Variants in DMXL1 observed in about 807,000 individuals in gnomAD.
The protein encoded by DMXL1 is Dmx like 1.
DMXL1 carries 99 observed loss-of-function variants against 319.2 expected under a neutral mutation model. That is an observed-to-expected ratio of 0.31 (90% CI 0.26 to 0.37). The LOEUF (loss-of-function observed/expected upper bound fraction) is 0.37. DMXL1 is among the 10% of genes least tolerant of loss of function. The pLI, the probability that DMXL1 is intolerant of heterozygous loss-of-function variation, is 1.00. For missense variants in DMXL1, 3,745 were observed against 3,595.6 expected, an observed-to-expected ratio of 1.04 and a Z score of -1.06; for synonymous variants, 1,385 against 1,235.2, an observed-to-expected ratio of 1.12 and a Z score of -2.54.
intron 34 of DMXL1, among the ~76,000 whole-genome samples, chr5:119,214,580 AAATTT>A (rs1422679056): frequency 1.3e-5 from 2 of 152,122 alleles, no homozygotes; most frequent in African/African-American, 4.8e-5. Flanking sequence ...GGTCATTCAC[AAATTT>A]AATTTAAGAC....
At chr5:119,206,752 T>C in intron 33 of DMXL1, 82 bp from the exon 34 acceptor site, 5 of 807,056 alleles carry the variant, frequency 6.2e-6, no homozygotes, top group Non-Finnish European at 7.6e-6. Flanking sequence ...GTTTAAAATA[T>C]AGCATTGAAA....
chr5:119,190,182 T>C (rs543329107), intron 29 of DMXL1, among the ~76,000 whole-genome samples: 1 of 152,360 alleles, frequency 6.6e-6, no homozygotes, highest in Non-Finnish European at 1.5e-5. Flanking sequence ...TTCATGTTAA[T>C]GTACTTGATG....
chr5:119,101,564 T>C (rs1420041064), intron 2 of DMXL1, among the ~76,000 whole-genome samples: 1 of 152,246 alleles, frequency 6.6e-6, no homozygotes, highest in Admixed American at 6.5e-5. Flanking sequence ...ACTGACAGAA[T>C]TGTCAATTTA....
chr5:119,184,119 T>A (rs1335261307), intron 28 of DMXL1, among the ~76,000 whole-genome samples: 1 of 151,696 alleles, frequency 6.6e-6, no homozygotes, highest in African/African-American at 2.4e-5. Flanking sequence ...AGTGGTGTGA[T>A]CACAGCTCAT....
chr5:119,203,503 T>G, intron 33 of DMXL1, 67 bp downstream of exon 33: 1 of 887,894 alleles, frequency 1.1e-6, no homozygotes, highest in Non-Finnish European at 1.6e-6. Flanking sequence ...ATGTAACCAT[T>G]AAAATGAGTT....
intron 6 of DMXL1, among the ~76,000 whole-genome samples, chr5:119,115,727 A>G (rs983929303): frequency 3.0e-4 from 46 of 152,174 alleles, no homozygotes; most frequent in Non-Finnish European, 7.3e-5. Context: ...CATTTTTTTC[A>G]CCATCAACAT....
intron 13 of DMXL1, among the ~76,000 whole-genome samples, chr5:119,136,633 T>C (rs1270400857): frequency 6.6e-6 from 1 of 152,244 alleles, no homozygotes; most frequent in Non-Finnish European, 1.5e-5. Context: ...AGCCTTGGGA[T>C]TCAGTGCCCT....
At chr5:119,155,788 C>T (rs919238832) in intron 19 of DMXL1, among the ~76,000 whole-genome samples, 1 of 146,692 alleles carries the variant, frequency 6.8e-6, no homozygotes, top group Admixed American at 6.9e-5. Flanking sequence ...GATCACACCA[C>T]TGCACTCCAG....
At chr5:119,125,234 C>T (rs1763258021) in intron 9 of DMXL1, among the ~76,000 whole-genome samples, 1 of 152,104 alleles carries the variant, frequency 6.6e-6, no homozygotes, top group Non-Finnish European at 1.5e-5. Flanking sequence ...ACTTTTTTCT[C>T]TTCAAGGGTA....
intron 26 of DMXL1, 87 bp downstream of exon 26, chr5:119,175,424 TAA>T: frequency 2.1e-6 from 2 of 930,804 alleles, no homozygotes; most frequent in South Asian, 3.1e-5. Context: ...GAACTATATA[TAA>T]CAGTCTTTTA....
At chr5:119,180,544 A>T (rs1330264909) in intron 28 of DMXL1, among the ~76,000 whole-genome samples, 2 of 152,038 alleles carry the variant, frequency 1.3e-5, no homozygotes, top group African/African-American at 4.8e-5. Context: ...TGCACATCAG[A>T]TTTCATATGC....
intron 26 of DMXL1, among the ~76,000 whole-genome samples, chr5:119,176,885 G>A (rs1303992442): frequency 6.6e-6 from 1 of 151,872 alleles, no homozygotes; most frequent in Non-Finnish European, 1.5e-5. Flanking sequence ...CATATGCATA[G>A]GTTTCATCTT....
chr5:119,159,271 A>T (rs1771748909), intron 19 of DMXL1, among the ~76,000 whole-genome samples: 3 of 151,900 alleles, frequency 2.0e-5, no homozygotes, highest in Admixed American at 2.0e-4. Context: ...TAGCTGGGGT[A>T]TTTTTAGTAG....
chr5:119,162,183 G>A (rs1269400091), intron 19 of DMXL1, among the ~76,000 whole-genome samples: 1 of 152,198 alleles, frequency 6.6e-6, no homozygotes, highest in African/African-American at 2.4e-5. Context: ...CTCAAAGTGA[G>A]ACTGTTACTC....
chr5:119,122,974 G>T (rs1260602617), intron 9 of DMXL1, among the ~76,000 whole-genome samples: 1 of 152,176 alleles, frequency 6.6e-6, no homozygotes. Flanking sequence ...GGAGGTTGTA[G>T]CGAGCGGAGA....
At chr5:119,181,918 G>A (rs763119637) in intron 28 of DMXL1, among the ~76,000 whole-genome samples, 1 of 152,156 alleles carries the variant, frequency 6.6e-6, no homozygotes, top group Non-Finnish European at 1.5e-5. Flanking sequence ...AAACTAGAGA[G>A]AGAAAAATCT....
In DMXL1 at chr5:119,220,545, C is replaced by T; in HGVS notation, c.8087C>T (p.Thr2696Ile). The change falls in exon 36 of 44, where the codon ACA (threonine) becomes ATA (isoleucine). Residue 2696 changes from threonine (T) to isoleucine (I), a missense_variant. Thr to Ile is a moderately conservative substitution (Grantham distance 89). Around this residue, in one of 4 missense-constraint regions of DMXL1, gnomAD observed 1,382 missense variants for 1,269.5 expected, o/e 1.09. Coordinates refer to ENST00000539542, the MANE Select transcript of DMXL1 (RefSeq NM_001290321.3). ...CTGGATGTTTCTGGAATTCTGGCCACACAGGTCTACACTTGGGTAGATGAT... is the reference window on the plus strand; with the variant it reads ...CTGGATGTTTCTGGAATTCTGGCCATACAGGTCTACACTTGGGTAGATGAT... Reference protein sequence around the residue: ...QELDVSGILATQVYTWVDDDI... With the variant: ...QELDVSGILAIQVYTWVDDDI... The T allele has an allele frequency of 1.2e-6, 2 of 1,613,932 alleles. No individual in the cohort carries two copies. The highest frequency in any genetic ancestry group is 1.7e-6 in the Non-Finnish European group (2 of 1,179,904).
intron 18 of DMXL1, among the ~76,000 whole-genome samples, chr5:119,151,612 A>G (rs1356845015): frequency 6.6e-6 from 1 of 152,188 alleles, no homozygotes; most frequent in Middle Eastern, 3.2e-3. Context: ...TTGGTTAAAG[A>G]TAATACTGTA....
intron 28 of DMXL1, among the ~76,000 whole-genome samples, chr5:119,180,163 T>A (rs1192719174): frequency 6.6e-6 from 1 of 152,210 alleles, no homozygotes; most frequent in East Asian, 1.9e-4. Context: ...GTTAAAGGAA[T>A]TTCAGGTTTT....
Sources: gnomAD v4.1 joint callset for allele counts (sites outside exome capture counted in the v4.1 genomes callset) on GRCh38, gnomAD v4.1.1 for gene constraint, gnomAD v4.1.1 regional missense constraint, MANE v1.5 for transcripts, NCBI Gene and HGNC (gene_info 2026-07-23, HGNC 2026-07-21) for gene names.